Variants in PKHD1 observed in about 807,000 individuals in gnomAD.
PKHD1 encodes the protein PKHD1 ciliary IPT domain containing fibrocystin/polyductin.
Under a neutral mutation model 412.0 loss-of-function variants are expected in PKHD1, and 291 were observed. That is an observed-to-expected ratio of 0.71 (90% confidence interval 0.64 to 0.78). The LOEUF (loss-of-function observed/expected upper bound fraction) is 0.78. Ranked by LOEUF, PKHD1 falls within the 30% of genes least tolerant of loss-of-function variation. The pLI, the probability that PKHD1 is intolerant of heterozygous loss-of-function variation, is 0.00. For synonymous variants in PKHD1, 1,777 were observed against 1,821.5 expected (o/e 0.98, Z 0.62); for missense variants, 4,825 against 4,950.7 (o/e 0.97, Z 0.76).
chr6:51,735,877 T>C (rs1218666038), intron 60 of PKHD1, among the ~76,000 whole-genome samples: 1 of 152,120 alleles, frequency 6.6e-6, no homozygotes, highest in Non-Finnish European at 1.5e-5. Flanking sequence ...AAGGTTGTAG[T>C]GAGCTATGAT....
chr6:52,047,154 T>C (rs1055882612), intron 23 of PKHD1, among the ~76,000 whole-genome samples: 9 of 152,186 alleles, frequency 5.9e-5, no homozygotes, highest in Middle Eastern at 3.2e-3. Context: ...TCATCAGTGA[T>C]AGAAATCAGT....
At chr6:51,887,643 C>CCT (rs1778431183) in intron 43 of PKHD1, among the ~76,000 whole-genome samples, 1 of 152,148 alleles carries the variant, frequency 6.6e-6, no homozygotes, top group African/African-American at 2.4e-5. Flanking sequence ...CCTTGTCTTG[C>CCT]CTCTGTTCCT....
intron 5 of PKHD1, 147 bp from the exon 6 acceptor site, chr6:52,076,480 T>C (rs750072940): frequency 5.8e-6 from 4 of 695,266 alleles, no homozygotes; most frequent in Non-Finnish European, 1.1e-5. Flanking sequence ...TAGTTCTTTT[T>C]ATCTTTGTAA....
At chr6:51,674,433 ATTC>A (rs754888500) in intron 60 of PKHD1, among the ~76,000 whole-genome samples, 78 of 152,122 alleles carry the variant, frequency 5.1e-4, no homozygotes, top group African/African-American at 1.9e-3. Flanking sequence ...TCCTTCTTCA[ATTC>A]TTCTTTTCTT....
chr6:52,032,892 A>C, intron 29 of PKHD1, 138 bp downstream of exon 29: 1 of 770,648 alleles, frequency 1.3e-6, no homozygotes, highest in Non-Finnish European at 2.3e-6. Flanking sequence ...ATGATGGCTA[A>C]GATGAAAAAA....
At chr6:51,742,099 C>G (rs1784627822) in intron 60 of PKHD1, among the ~76,000 whole-genome samples, 1 of 151,974 alleles carries the variant, frequency 6.6e-6, no homozygotes, top group Non-Finnish European at 1.5e-5. Context: ...AGGAGGGTAA[C>G]CCCTTATCTT....
chr6:52,031,799 C>T (rs1236328765), intron 29 of PKHD1, among the ~76,000 whole-genome samples: 1 of 152,126 alleles, frequency 6.6e-6, no homozygotes, highest in East Asian at 1.9e-4. Context: ...TAACATGCTC[C>T]TTTTTATTCT....
chr6:52,039,480 C>T (rs954395873), intron 27 of PKHD1, among the ~76,000 whole-genome samples: 4 of 152,184 alleles, frequency 2.6e-5, no homozygotes, highest in Non-Finnish European at 5.9e-5. Flanking sequence ...TTCCCCTTCA[C>T]CTTCTGCCAT....
intron 60 of PKHD1, among the ~76,000 whole-genome samples, chr6:51,736,930 C>T (rs77571772): frequency 0.047 from 7,115 of 152,294 alleles, 220 homozygotes; most frequent in Middle Eastern, 0.11. Context: ...GCTGAGCAGA[C>T]GTCACCACAA....
At chr6:51,667,726 G>A (rs1295717031) in intron 60 of PKHD1, among the ~76,000 whole-genome samples, 3 of 149,420 alleles carry the variant, frequency 2.0e-5, no homozygotes, top group Admixed American at 6.6e-5. Flanking sequence ...TTTTGTATAA[G>A]GTGTAAGGAA....
At chr6:51,746,010 T>TC (rs1362027840) in intron 59 of PKHD1, among the ~76,000 whole-genome samples, 2 of 151,434 alleles carry the variant, frequency 1.3e-5, no homozygotes, top group Non-Finnish European at 2.9e-5. Context: ...TGTTTTTTTT[T>TC]CTTCCAATAA....
At chr6:51,782,408 T>C (rs1792177190) in intron 53 of PKHD1, among the ~76,000 whole-genome samples, 1 of 152,148 alleles carries the variant, frequency 6.6e-6, no homozygotes, top group African/African-American at 2.4e-5. Flanking sequence ...CTGCCAGCCT[T>C]ATTAGGGACT....
intron 48 of PKHD1, among the ~76,000 whole-genome samples, chr6:51,867,655 G>A (rs1447177551): frequency 1.3e-5 from 2 of 152,094 alleles, no homozygotes; most frequent in Non-Finnish European, 2.9e-5. Flanking sequence ...CTGGTCCAAA[G>A]ATATTGCTAG....
chr6:51,695,774 G>A (rs534121536), intron 60 of PKHD1, among the ~76,000 whole-genome samples: 88 of 152,248 alleles, frequency 5.8e-4, no homozygotes, highest in Non-Finnish European at 9.6e-4. Context: ...AAATTTCTAC[G>A]TTTTGTAGAG....
chr6:51,800,584 C>T (rs570462084), intron 52 of PKHD1, among the ~76,000 whole-genome samples: 4 of 152,208 alleles, frequency 2.6e-5, no homozygotes, highest in South Asian at 4.1e-4. Context: ...CTTTTTTTCC[C>T]AGCAAAGTAG....
chr6:52,034,106 A>G (rs1056763912), intron 28 of PKHD1, among the ~76,000 whole-genome samples: 1 of 151,944 alleles, frequency 6.6e-6, no homozygotes, highest in African/African-American at 2.4e-5. Flanking sequence ...CCTGGGCAAC[A>G]AAAGCGAAAC....
intron 41 of PKHD1, among the ~76,000 whole-genome samples, chr6:51,905,089 A>T (rs1781876890): frequency 1.3e-5 from 2 of 152,206 alleles, no homozygotes; most frequent in African/African-American, 4.8e-5. Flanking sequence ...TTATCTCAAC[A>T]GATTGTTCTT....
chr6:51,702,166 A>G (rs1299800241), intron 60 of PKHD1, among the ~76,000 whole-genome samples: 2 of 146,924 alleles, frequency 1.4e-5, no homozygotes, highest in African/African-American at 5.0e-5. Flanking sequence ...TATATATATT[A>G]TATGTATAAT....
intron 50 of PKHD1, among the ~76,000 whole-genome samples, chr6:51,843,048 G>T (rs1770515035): frequency 6.6e-6 from 1 of 152,194 alleles, no homozygotes; most frequent in South Asian, 2.1e-4. Context: ...TCCTTCTTTT[G>T]ATATGCTACA....
Sources: gnomAD v4.1 joint callset for allele counts (sites outside exome capture counted in the v4.1 genomes callset) on GRCh38, gnomAD v4.1.1 for gene constraint, MANE v1.5 for transcripts, NCBI Gene and HGNC (gene_info 2026-07-23, HGNC 2026-07-21) for gene names.